Variants in NRP2 observed in about 807,000 individuals in gnomAD.
NRP2 encodes the protein neuropilin-2.
A neutral mutation model predicts 110.4 loss-of-function variants in NRP2; 52 were observed. The observed-to-expected ratio is 0.47, with a 90% CI of 0.38 to 0.59. The LOEUF is 0.59. NRP2 is among the 20% of genes least tolerant of loss of function. The probability of loss-of-function intolerance (pLI) is 0.00; values close to 1 mark genes in which losing one functional copy is unlikely to be tolerated. For missense variants in NRP2, 1,049 were observed against 1,203.0 expected (o/e 0.87, Z 1.89); for synonymous variants, 508 against 468.9 (o/e 1.08, Z -1.08).
intron 3 of NRP2, among the ~76,000 whole-genome samples, chr2:205,718,087 C>T (rs904486138): frequency 5.3e-5 from 8 of 152,138 alleles, no homozygotes; most frequent in African/African-American, 2.4e-5. Flanking sequence ...TGCTGCCACT[C>T]GGCTGCACTG....
At chr2:205,755,609 G>GA (rs147544807) in intron 12 of NRP2, among the ~76,000 whole-genome samples, 79,632 of 144,882 alleles carry the variant, frequency 0.55, 22,882 homozygotes, top group Non-Finnish European at 0.65. Context: ...TTCTCCATAG[G>GA]GAAAAAAAAA....
At position 205,740,642 on chromosome 2, in the gene NRP2, C is replaced by T. The variant is rs771080482; in HGVS notation, c.1270C>T (p.Leu424Phe). The T allele has an allele frequency of 4.3e-6, 7 of 1,614,160 alleles. No homozygotes were observed. The highest frequency in any genetic ancestry group is 3.4e-6 in the Non-Finnish European group (4 of 1,180,012). ...CTCAGGTATCGCCCTCCGGCTGGAG[C>T]TCTTCGGCTGCCGGGTCACAGGTGA... ...WHSGIALRLE[L>F]FGCRVTDAPC... The change falls in exon 8 of 17, where the codon CTC becomes TTC. Residue 424 changes from leucine to phenylalanine, a missense_variant. By Grantham distance (22) the Leu-to-Phe change is conservative. Coordinates refer to ENST00000357785, the MANE Select transcript of NRP2 (RefSeq NM_003872.3).
intron 15 of NRP2, among the ~76,000 whole-genome samples, chr2:205,788,237 C>T (rs1372101358): frequency 6.6e-6 from 1 of 152,160 alleles, no homozygotes; most frequent in East Asian, 1.9e-4. Context: ...TGAGACTGAT[C>T]TTCATATGAA....
chr2:205,749,566 G>T, intron 10 of NRP2, 159 bp from the exon 11 acceptor site: 1 of 635,722 alleles, frequency 1.6e-6, no homozygotes. Context: ...CTATGGTGAT[G>T]CCCCTGACTT....
intron 15 of NRP2, among the ~76,000 whole-genome samples, chr2:205,781,676 G>A (rs562117832): frequency 6.2e-4 from 94 of 152,272 alleles, no homozygotes; most frequent in Non-Finnish European, 9.1e-4. Flanking sequence ...CTCTTTAATT[G>A]TGCAGATCAC....
At chr2:205,685,387 A>G (rs2056124551) in intron 1 of NRP2, among the ~76,000 whole-genome samples, 1 of 142,954 alleles carries the variant, frequency 7.0e-6, no homozygotes, top group Non-Finnish European at 1.5e-5. Context: ...GGGAGCCGGC[A>G]GCGGGTGGCC....
chr2:205,704,441 G>A (rs2056631569), intron 2 of NRP2, among the ~76,000 whole-genome samples: 1 of 152,108 alleles, frequency 6.6e-6, no homozygotes, highest in Non-Finnish European at 1.5e-5. Context: ...ATTCCCCTAA[G>A]GAGCCAGTGA....
Position 205,791,987 on chromosome 2 carries a change from G to A in NRP2, c.2426-248G>A, listed in dbSNP as rs779048849. On this transcript the variant is annotated intron_variant, in intron 15 of 16. Transcript: ENST00000357785. ...AGTCATTAAAAAGGCACAGTGGCAG[G>A]GGTTGCTTGGCACTGAAGACCCAGA... is the stretch of plus-strand genomic sequence containing the variant. Among the ~76,000 whole-genome samples, 84 of 152,200 alleles carry A rather than the reference G, an allele frequency of 5.5e-4. 1 individual carries two copies. The highest frequency in any genetic ancestry group is 1.0e-3 in the Non-Finnish European group (71 of 68,042).
intron 12 of NRP2, among the ~76,000 whole-genome samples, chr2:205,762,843 C>T (rs947455767): frequency 6.6e-6 from 1 of 152,198 alleles, no homozygotes; most frequent in African/African-American, 2.4e-5. Context: ...ACATGAGTGT[C>T]TGATGAATTT....
rs1163797667 is a variant in NRP2 at position 205,774,996 on chromosome 2, C to A, written c.2425+8193C>A. Among the ~76,000 whole-genome samples, 3 of 152,006 alleles carry A rather than the reference C, an allele frequency of 2.0e-5. No homozygotes were observed. In the East Asian group the frequency reaches 5.8e-4, roughly 29 times the overall value. On this transcript the variant is annotated intron_variant, in intron 15 of 16. Transcript: ENST00000357785. ...CGTTTGCATCTTGAGCAGAGGGGGA[C>A]CACCCTCTGCTCACAGGGTAGGACC...
At chr2:205,749,687 G>T in intron 10 of NRP2, 38 bp from the exon 11 acceptor site, 8 of 1,543,732 alleles carry the variant, frequency 5.2e-6, no homozygotes, top group Non-Finnish European at 6.3e-6. Context: ...AACACAGGCT[G>T]CTACAGCATT....
intron 15 of NRP2, chr2:205,777,910 A>G (rs1045930176): frequency 1.3e-5 from 2 of 152,234 alleles, no homozygotes; most frequent in African/African-American, 2.4e-5. Flanking sequence ...ATGTTGCCGC[A>G]TCATCACAGA....
At position 205,697,587 on chromosome 2, in the gene NRP2, T is replaced by C; in HGVS notation, c.117T>C (p.Tyr39=). Residue 39 remains tyrosine (Y), a synonymous_variant, in exon 2 of 17, where the codon TAT becomes TAC. Transcript: ENST00000357785. ...GTTTGAATTCCAAAGATGCTGGCTA[T>C]ATCACCTCTCCCGGTTACCCCCAGG... ...GGRLNSKDAG[Y]ITSPGYPQDY... 1 of 1,614,046 alleles carries C rather than the reference T, an allele frequency of 6.2e-7. No individual in the cohort carries two copies. Among genetic ancestry groups the C allele is most frequent in the Non-Finnish European group, 8.5e-7 (1 of 1,180,000 alleles).
In NRP2 at chr2:205,776,393, G is replaced by T. The variant is rs1044190982; in HGVS notation, c.2425+9590G>T. On this transcript the variant is annotated intron_variant, in intron 15 of 16. Coordinates refer to ENST00000357785, the MANE Select transcript of NRP2 (RefSeq NM_003872.3). Reference sequence around the variant, plus strand: ...CTGGCCCTGGTGCTCCACTACCACCGGTTCCGCTATGCGGCCAAGAAGACC... The same window carrying T: ...CTGGCCCTGGTGCTCCACTACCACCTGTTCCGCTATGCGGCCAAGAAGACC... The T allele has an allele frequency of 2.5e-6, 4 of 1,613,292 alleles. No individual in the cohort carries two copies. The African/African-American group carries it at 5.3e-5, about 22-fold the overall frequency.
At chr2:205,700,109 C>G (rs1043513073) in intron 2 of NRP2, among the ~76,000 whole-genome samples, 2 of 152,216 alleles carry the variant, frequency 1.3e-5, no homozygotes, top group Non-Finnish European at 1.5e-5. Context: ...CCCCTCCCCA[C>G]TGCCTTGTTT....
intron 1 of NRP2, among the ~76,000 whole-genome samples, chr2:205,691,480 A>G (rs1189856068): frequency 6.6e-6 from 1 of 152,232 alleles, no homozygotes; most frequent in Non-Finnish European, 1.5e-5. Context: ...TGCAAACAAG[A>G]TTATAAATAA....
Position 205,743,222 on chromosome 2 carries a change from G to C in NRP2, c.1311G>C (p.Met437Ile). ...CTGCAGATGCTCCCTGCTCCAACAT[G>C]CTGGGGATGCTCTCAGGCCTCATTG... ...CRVTDAPCSN[M>I]LGMLSGLIAD... Residue 437 changes from methionine (M) to isoleucine (I), a missense_variant, in exon 9 of 17, where the codon ATG (methionine) becomes ATC (isoleucine). By Grantham distance (10) the Met-to-Ile change is conservative (BLOSUM62 1). Transcript: ENST00000357785. 6.2e-7 allele frequency: 1 copy of C among 1,613,174 alleles called. No individual in the cohort carries two copies. The highest frequency in any genetic ancestry group is 8.5e-7 in the Non-Finnish European group (1 of 1,180,034).
chr2:205,760,713 T>G (rs745907724), intron 12 of NRP2: 6 of 152,134 alleles, frequency 3.9e-5, no homozygotes, highest in African/African-American at 1.2e-4. Flanking sequence ...GCCTGGAGTT[T>G]CAGTAACAGG....
At chr2:205,721,666 C>T (rs1057280648) in intron 3 of NRP2, among the ~76,000 whole-genome samples, 4 of 152,198 alleles carry the variant, frequency 2.6e-5, no homozygotes, top group Admixed American at 6.5e-5. Context: ...ATCAGGATGC[C>T]TCCATGCGTC....
Sources: allele counts gnomAD v4.1 joint callset (sites outside exome capture counted in the v4.1 genomes callset), GRCh38; gene constraint gnomAD v4.1.1; transcripts MANE v1.5; gene names NCBI Gene and HGNC (gene_info 2026-07-23, HGNC 2026-07-21).